Variants in PCSK1 observed in about 807,000 individuals in gnomAD.
PCSK1 encodes the protein neuroendocrine convertase 1.
A neutral mutation model predicts 90.6 loss-of-function variants in PCSK1; 56 were observed. That is an observed-to-expected ratio of 0.62 (90% CI 0.50 to 0.77). PCSK1 has a LOEUF of 0.77. Ranked by LOEUF, PCSK1 falls within the 30% of genes least tolerant of loss-of-function variation. The probability of loss-of-function intolerance (pLI) is 0.00; values close to 1 mark genes in which losing one functional copy is unlikely to be tolerated. For missense variants in PCSK1, 801 were observed against 932.6 expected, an observed-to-expected ratio of 0.86 and a Z score of 1.84; for synonymous variants, 348 against 342.4, an observed-to-expected ratio of 1.02 and a Z score of -0.18.
At chr5:96,411,113 A>G in intron 7 of PCSK1, 127 bp from the exon 8 acceptor site, 8 of 779,304 alleles carry the variant, frequency 1.0e-5, no homozygotes, top group Middle Eastern at 3.6e-4. Context: ...TCTATTTTCA[A>G]TTCCAGATCT....
intron 5 of PCSK1, among the ~76,000 whole-genome samples, chr5:96,419,451 A>C (rs901023265): frequency 6.9e-6 from 1 of 145,154 alleles, no homozygotes; most frequent in African/African-American, 2.7e-5. Context: ...CTCTCTCTAT[A>C]TATATATACA....
chr5:96,425,728 TAAA>T (rs11310306), intron 3 of PCSK1, 89 bp downstream of exon 3: 476 of 652,240 alleles, frequency 7.3e-4, no homozygotes, highest in African/African-American at 1.9e-3. Flanking sequence ...TTCTCCATCA[TAAA>T]AAAAAAAAAA....
At chr5:96,430,013 C>T (rs1465423122) in intron 1 of PCSK1, among the ~76,000 whole-genome samples, 1 of 152,182 alleles carries the variant, frequency 6.6e-6, no homozygotes, top group Non-Finnish European at 1.5e-5. Context: ...TATCTATGGT[C>T]AGTGCCACTT....
intron 7 of PCSK1, among the ~76,000 whole-genome samples, chr5:96,411,192 C>T (rs1199150194): frequency 1.3e-5 from 2 of 152,236 alleles, no homozygotes; most frequent in African/African-American, 4.8e-5. Context: ...CCCTGCCAGT[C>T]TCTGGGCCCT....
intron 9 of PCSK1, among the ~76,000 whole-genome samples, chr5:96,406,540 C>A (rs1485816425): frequency 6.6e-6 from 1 of 152,122 alleles, no homozygotes; most frequent in African/African-American, 2.4e-5. Context: ...CCTTGCTTAG[C>A]CACTGTAGCC....
intron 9 of PCSK1, among the ~76,000 whole-genome samples, chr5:96,407,482 T>C (rs553559478): frequency 0.02 from 3,051 of 152,308 alleles, 103 homozygotes; most frequent in African/African-American, 0.07. Flanking sequence ...CTTTCACACA[T>C]ATATTCCTGG....
intron 5 of PCSK1, among the ~76,000 whole-genome samples, chr5:96,416,822 G>A (rs566915755): frequency 1.3e-5 from 2 of 152,298 alleles, no homozygotes; most frequent in East Asian, 3.9e-4. Flanking sequence ...GGTAATTTAT[G>A]ATTTCAGAGT....
At chr5:96,416,849 C>T (rs1053891010) in intron 5 of PCSK1, among the ~76,000 whole-genome samples, 4 of 152,180 alleles carry the variant, frequency 2.6e-5, no homozygotes, top group East Asian at 1.9e-4. Flanking sequence ...AAGAAAAATG[C>T]GTCTTCCAAA....
intron 7 of PCSK1, among the ~76,000 whole-genome samples, chr5:96,411,213 G>A (rs1479251064): frequency 6.6e-6 from 1 of 152,184 alleles, no homozygotes; most frequent in Admixed American, 6.5e-5. Context: ...CCTGGGGTAG[G>A]GCTGAGCACA....
chr5:96,419,449 A>G (rs73772393), intron 5 of PCSK1, among the ~76,000 whole-genome samples: 3 of 148,234 alleles, frequency 2.0e-5, no homozygotes, highest in African/African-American at 7.4e-5. Flanking sequence ...CTCTCTCTCT[A>G]TATATATATA....
intron 10 of PCSK1, 23 bp from the exon 11 acceptor site, chr5:96,399,059 A>C: frequency 6.4e-7 from 1 of 1,573,432 alleles, no homozygotes; most frequent in Non-Finnish European, 8.7e-7. Flanking sequence ...AAGAATCAGC[A>C]TTGAATAAAG....
chr5:96,431,973 T>C (rs1761517058), intron 1 of PCSK1: 3 of 741,192 alleles, frequency 4.0e-6, no homozygotes, highest in Non-Finnish European at 7.1e-6. Context: ...ATAAGCAGTC[T>C]CCCACTTAAT....
At chr5:96,432,779 TG>T in intron 1 of PCSK1, 83 bp downstream of exon 1, 2 of 1,136,524 alleles carry the variant, frequency 1.8e-6, no homozygotes, top group Non-Finnish European at 2.7e-6. Flanking sequence ...GAGTGCAACC[TG>T]GGGCTCCCAC....
chr5:96,413,035 T>A, intron 6 of PCSK1: 1 of 812,156 alleles, frequency 1.2e-6, no homozygotes, highest in Non-Finnish European at 1.5e-6. Context: ...AGGAAACATG[T>A]AGCTTCAAAA....
Position 96,391,867 on chromosome 5 carries a change from AG to A in PCSK1, c.*1133del, listed in dbSNP as rs1759955816. 6.6e-6 allele frequency: 1 copy of A among 152,244 alleles called. No individual in the cohort carries two copies. The allele number at this position is 152,244 out of a possible 1,614,324, so 9.4% of individuals were successfully genotyped here. On this transcript the variant is annotated 3_prime_UTR_variant, in exon 14 of 14. Transcript: ENST00000311106. ...ACAAAATCTACCTGAGGGACAATTA[AG>A]GTCCATGGCCTGCCAGTTTCTGCTT...
chr5:96,414,659 C>A (rs563582731), intron 6 of PCSK1, among the ~76,000 whole-genome samples: 15 of 152,328 alleles, frequency 9.8e-5, no homozygotes, highest in African/African-American at 3.4e-4. Context: ...CACAAACTTG[C>A]TTTCATTACC....
Position 96,408,322 on chromosome 5 carries a change from G to T in PCSK1, c.1097C>A (p.Thr366Lys), listed in dbSNP as rs369762633. 1.2e-6 allele frequency: 2 copies of T among 1,612,294 alleles called. No homozygotes were observed. Among genetic ancestry groups the T allele is most frequent in the African/African-American group, 2.7e-5 (2 of 74,860 alleles). The change falls in exon 9 of 14, where the codon ACG becomes AAG. Residue 366 changes from threonine to lysine, a missense_variant and splice_region_variant. Thr to Lys is a moderately conservative substitution (Grantham distance 78). Transcript: ENST00000311106. ...GCAGTCATTGTGCAGGTCAGCGCTC[G>T]TCTGGATGACGTCAGGAAGGAGAGA... ...SSGDYTDQRITSADLHNDCTE... is the reference protein window; with the variant it reads ...SSGDYTDQRIKSADLHNDCTE...
At chr5:96,399,474 GAGTCTA>G (rs1760276967) in intron 10 of PCSK1, among the ~76,000 whole-genome samples, 1 of 152,100 alleles carries the variant, frequency 6.6e-6, no homozygotes, top group South Asian at 2.1e-4. Flanking sequence ...GTGCTAGAGG[GAGTCTA>G]AGTAAGTGTA....
intron 13 of PCSK1, among the ~76,000 whole-genome samples, chr5:96,394,165 G>A (rs537051592): frequency 1.5e-4 from 23 of 152,270 alleles, no homozygotes; most frequent in African/African-American, 4.3e-4. Context: ...AGAGCAGGGC[G>A]TTCTGAAAAT....
Sources: gnomAD v4.1 joint callset for allele counts (sites outside exome capture counted in the v4.1 genomes callset) on GRCh38, gnomAD v4.1.1 for gene constraint, MANE v1.5 for transcripts, NCBI Gene and HGNC (gene_info 2026-07-23, HGNC 2026-07-21) for gene names.